Variants in PTPRG observed in about 807,000 individuals in gnomAD.
PTPRG encodes protein tyrosine phosphatase receptor type G, also known as receptor-type tyrosine-protein phosphatase gamma.
In PTPRG, 102 loss-of-function variants were observed where a neutral mutation model predicts 165.3. That is an observed-to-expected ratio of 0.62 (90% CI 0.53 to 0.73). The LOEUF is 0.73. PTPRG is among the 30% of genes least tolerant of loss of function. PTPRG has a pLI of 0.00. For missense variants in PTPRG, 1,866 were observed against 1,861.4 expected (o/e 1.00, Z -0.05); for synonymous variants, 675 against 669.5 (o/e 1.01, Z -0.13).
At chr3:62,234,795 T>G (rs34373152) in intron 14 of PTPRG, among the ~76,000 whole-genome samples, 17 of 152,222 alleles carry the variant, frequency 1.1e-4, no homozygotes, top group Admixed American at 2.0e-4. Flanking sequence ...TTCTGCTTTG[T>G]TTTCTAGATT....
At chr3:61,909,314 T>G (rs2038740597) in intron 2 of PTPRG, among the ~76,000 whole-genome samples, 1 of 152,224 alleles carries the variant, frequency 6.6e-6, no homozygotes, top group Admixed American at 6.5e-5. Flanking sequence ...CTAGCTAATA[T>G]GAATCTGTGT....
intron 2 of PTPRG, among the ~76,000 whole-genome samples, chr3:61,821,697 G>C (rs930441704): frequency 6.6e-6 from 1 of 152,206 alleles, no homozygotes; most frequent in Non-Finnish European, 1.5e-5. Context: ...GATATAAACA[G>C]TAGAGGGTAA....
intron 2 of PTPRG, among the ~76,000 whole-genome samples, chr3:61,856,111 C>A (rs951246214): frequency 6.6e-6 from 1 of 151,998 alleles, no homozygotes; most frequent in Non-Finnish European, 1.5e-5. Context: ...CTTGTACTTA[C>A]GTAGAACATT....
At chr3:62,127,225 CA>C (rs1034206477) in intron 5 of PTPRG, among the ~76,000 whole-genome samples, 4 of 152,112 alleles carry the variant, frequency 2.6e-5, no homozygotes, top group African/African-American at 9.7e-5. Context: ...GCAAAATAAC[CA>C]CATTATAAAT....
intron 8 of PTPRG, among the ~76,000 whole-genome samples, chr3:62,181,333 C>G (rs1335697685): frequency 1.3e-5 from 2 of 152,160 alleles, no homozygotes; most frequent in South Asian, 2.1e-4. Context: ...TAATCTTGGG[C>G]CACTCTCCTC....
intron 6 of PTPRG, among the ~76,000 whole-genome samples, chr3:62,148,638 C>T (rs1276516091): frequency 6.6e-6 from 1 of 152,064 alleles, no homozygotes; most frequent in Admixed American, 6.6e-5. Context: ...GGTGGCGTGC[C>T]TGTAGTCCCA....
intron 2 of PTPRG, among the ~76,000 whole-genome samples, chr3:61,956,719 T>C (rs374419301): frequency 1.3e-5 from 2 of 152,204 alleles, no homozygotes; most frequent in African/African-American, 4.8e-5. Context: ...TATGCGTATA[T>C]TGAGATTTTT....
At chr3:61,656,240 AT>A (rs1702506913) in intron 1 of PTPRG, among the ~76,000 whole-genome samples, 1 of 152,176 alleles carries the variant, frequency 6.6e-6, no homozygotes, top group African/African-American at 2.4e-5. Context: ...TCTTAAAAAA[AT>A]AAATAAATAA....
chr3:61,953,468 T>G (rs2039945980), intron 2 of PTPRG, among the ~76,000 whole-genome samples: 1 of 152,228 alleles, frequency 6.6e-6, no homozygotes, highest in African/African-American at 2.4e-5. Flanking sequence ...TCTAGGAACG[T>G]GAGCACTTCT....
chr3:62,075,824 C>A (rs1257059825), intron 4 of PTPRG, among the ~76,000 whole-genome samples: 2 of 152,046 alleles, frequency 1.3e-5, no homozygotes, highest in African/African-American at 4.8e-5. Flanking sequence ...TAGCATCACG[C>A]CTTTTGGAAA....
At chr3:61,722,172 T>C (rs536068929) in intron 1 of PTPRG, among the ~76,000 whole-genome samples, 1 of 152,216 alleles carries the variant, frequency 6.6e-6, no homozygotes, top group African/African-American at 2.4e-5. Context: ...TTTCTTGCTC[T>C]GTCCTTCCAT....
chr3:61,727,528 A>T (rs2032317565), intron 1 of PTPRG, among the ~76,000 whole-genome samples: 1 of 152,322 alleles, frequency 6.6e-6, no homozygotes, highest in East Asian at 1.9e-4. Context: ...TAATAAGGCA[A>T]ACAATAATCA....
At chr3:61,650,632 C>T (rs1214812883) in intron 1 of PTPRG, among the ~76,000 whole-genome samples, 1 of 152,158 alleles carries the variant, frequency 6.6e-6, no homozygotes, top group African/African-American at 2.4e-5. Flanking sequence ...TGCTCTTTTC[C>T]ATGGAATAAA....
intron 4 of PTPRG, among the ~76,000 whole-genome samples, chr3:62,056,343 C>A (rs976838097): frequency 1.3e-5 from 2 of 152,124 alleles, no homozygotes; most frequent in African/African-American, 4.8e-5. Context: ...CTGTGACCCA[C>A]GGACCACATG....
rs1439009757 is a variant in PTPRG, at chr3:62,195,767, G to C, written c.1327+597G>C. On this transcript the variant is annotated intron_variant, in intron 10 of 29. Coordinates refer to ENST00000474889, the MANE Select transcript of PTPRG (RefSeq NM_002841.4). This position sits in a 1 kb window ranked among gnomAD's most constrained non-coding sequence, Gnocchi z 4.4. ...GCACCAAAAAATTGAGTGACCAAGAGACATAACATTTTAGTGGGATTTTTT... is the reference window on the plus strand; with the variant it reads ...GCACCAAAAAATTGAGTGACCAAGACACATAACATTTTAGTGGGATTTTTT... Among the ~76,000 whole-genome samples, 1 of 152,082 alleles carries C rather than the reference G, an allele frequency of 6.6e-6. No individual in the cohort carries two copies. Among genetic ancestry groups the C allele is most frequent in the Admixed American group, 6.6e-5 (1 of 15,264 alleles).
intron 2 of PTPRG, among the ~76,000 whole-genome samples, chr3:61,913,088 G>T (rs1215959690): frequency 6.6e-6 from 1 of 152,182 alleles, no homozygotes. Flanking sequence ...AGATTCAGGG[G>T]ATACATGTGC....
intron 2 of PTPRG, among the ~76,000 whole-genome samples, chr3:61,761,881 T>C (rs1029126936): frequency 1.3e-5 from 2 of 152,212 alleles, no homozygotes; most frequent in Non-Finnish European, 2.9e-5. Context: ...CTTTTCCTCC[T>C]GGAAACTGTT....
At chr3:61,835,259 C>CCTCT (rs1019101234) in intron 2 of PTPRG, among the ~76,000 whole-genome samples, 3 of 152,120 alleles carry the variant, frequency 2.0e-5, no homozygotes, top group African/African-American at 7.2e-5. Flanking sequence ...ATTCCATTAG[C>CCTCT]CTCTGGTCAG....
At chr3:62,110,615 G>A (rs183226327) in intron 5 of PTPRG, among the ~76,000 whole-genome samples, 1 of 151,928 alleles carries the variant, frequency 6.6e-6, no homozygotes, top group African/African-American at 2.4e-5. Context: ...TGTGAAAAGT[G>A]CAATAGAGTT....
Sources: gnomAD v4.1 joint callset for allele counts (sites outside exome capture counted in the v4.1 genomes callset) on GRCh38, gnomAD v4.1.1 for gene constraint, Gnocchi (gnomAD v3.1) non-coding constraint, MANE v1.5 for transcripts, NCBI Gene and HGNC (gene_info 2026-07-23, HGNC 2026-07-21) for gene names.